KCNH8: variants seen among roughly 807,000 people sequenced by gnomAD.
KCNH8 encodes the protein potassium voltage-gated channel subfamily H member 8.
KCNH8 carries 70 observed loss-of-function variants against 103.6 expected under a neutral mutation model. The ratio of observed to expected loss-of-function variants is 0.68; its 90% CI spans 0.56 to 0.82. The LOEUF is 0.82. Ranked by LOEUF, KCNH8 falls within the 40% of genes least tolerant of loss-of-function variation. The probability of loss-of-function intolerance (pLI) is 0.00; values close to 1 mark genes in which losing one functional copy is unlikely to be tolerated. For synonymous variants in KCNH8, 498 were observed against 489.4 expected (o/e 1.02, Z -0.23); for missense variants, 1,217 against 1,329.9 (o/e 0.92, Z 1.32).
chr3:19,217,569 T>G (rs981344473), intron 1 of KCNH8, among the ~76,000 whole-genome samples: 2 of 152,240 alleles, frequency 1.3e-5, no homozygotes, highest in African/African-American at 4.8e-5. Context: ...AAATATTAAT[T>G]AACATAATCC....
chr3:19,159,741 G>A (rs753289481), intron 1 of KCNH8, among the ~76,000 whole-genome samples: 58 of 152,074 alleles, frequency 3.8e-4, no homozygotes, highest in Non-Finnish European at 6.0e-4. Context: ...CTTCAGATAC[G>A]AAACATTTGT....
intron 7 of KCNH8, among the ~76,000 whole-genome samples, chr3:19,422,698 T>C (rs1293022045): frequency 6.6e-6 from 1 of 152,046 alleles, no homozygotes. Context: ...ATTAATTGAG[T>C]GCATATTAGG....
At chr3:19,429,127 A>G (rs1408898127) in intron 7 of KCNH8, among the ~76,000 whole-genome samples, 1 of 134,754 alleles carries the variant, frequency 7.4e-6, no homozygotes, top group Non-Finnish European at 1.6e-5. Context: ...AAAGTTACTT[A>G]TATGTTTTTA....
chr3:19,464,677 A>G (rs985622599), intron 11 of KCNH8, among the ~76,000 whole-genome samples: 2 of 152,162 alleles, frequency 1.3e-5, no homozygotes, highest in African/African-American at 4.8e-5. Context: ...AAAAATAAGT[A>G]AGAAAAAGAC....
intron 14 of KCNH8, among the ~76,000 whole-genome samples, chr3:19,517,128 A>AT (rs1425061760): frequency 3.3e-5 from 5 of 151,534 alleles, no homozygotes; most frequent in African/African-American, 1.2e-4. Flanking sequence ...TTAAATGTTT[A>AT]TTTTTCCTGC....
chr3:19,149,822 A>C (rs1288831581), intron 1 of KCNH8, among the ~76,000 whole-genome samples: 2 of 152,160 alleles, frequency 1.3e-5, no homozygotes, highest in African/African-American at 4.8e-5. Flanking sequence ...AGTCCTTCTT[A>C]GTGGTTCAAG....
intron 3 of KCNH8, among the ~76,000 whole-genome samples, chr3:19,284,273 A>G (rs1575494408): frequency 1.3e-5 from 2 of 152,136 alleles, no homozygotes; most frequent in Admixed American, 1.3e-4. Flanking sequence ...GGTTCACATG[A>G]TGGGCTTCAT....
rs534626191 is a variant in KCNH8, at chr3:19,201,100, C to T, written c.76+52305C>T. Among the ~76,000 whole-genome samples, 91 of 150,552 alleles carry T rather than the reference C, an allele frequency of 6.0e-4. 2 individuals are homozygous for T. The highest frequency in any genetic ancestry group is 2.1e-3 in the African/African-American group (85 of 41,084). On this transcript the variant is annotated intron_variant, in intron 1 of 15. Coordinates refer to ENST00000328405, the MANE Select transcript of KCNH8 (RefSeq NM_144633.3). ...TACAAAAATTAGCTGGACATGGGGG[C>T]GGGCACCTGTTATCCCAGCTACTAG...
intron 5 of KCNH8, 73 bp from the exon 6 acceptor site, chr3:19,390,408 C>T (rs1575004891): frequency 1.8e-6 from 2 of 1,134,384 alleles, no homozygotes; most frequent in Non-Finnish European, 2.5e-6. Flanking sequence ...TTCTTTCTTT[C>T]ATTGTCCTTC....
chr3:19,161,059 T>A (rs1368440333), intron 1 of KCNH8, among the ~76,000 whole-genome samples: 1 of 152,168 alleles, frequency 6.6e-6, no homozygotes, highest in Non-Finnish European at 1.5e-5. Context: ...ACAGTATGAA[T>A]AAACCTATCT....
chr3:19,401,122 G>A (rs2066607158), intron 7 of KCNH8, among the ~76,000 whole-genome samples: 1 of 151,880 alleles, frequency 6.6e-6, no homozygotes. Flanking sequence ...AATGAACCAA[G>A]GATCTCCTTT....
chr3:19,496,717 G>A (rs939623212), intron 11 of KCNH8, among the ~76,000 whole-genome samples: 1 of 152,124 alleles, frequency 6.6e-6, no homozygotes, highest in Non-Finnish European at 1.5e-5. Context: ...AAATGAGTTA[G>A]GAAGGAGTCT....
chr3:19,170,613 TACAC>T (rs1553620054), intron 1 of KCNH8, among the ~76,000 whole-genome samples: 4 of 143,212 alleles, frequency 2.8e-5, no homozygotes, highest in East Asian at 2.0e-4. Context: ...TATATATGTA[TACAC>T]ACACATATAT....
At chr3:19,392,026 G>A (rs971615177) in intron 6 of KCNH8, among the ~76,000 whole-genome samples, 7 of 151,218 alleles carry the variant, frequency 4.6e-5, no homozygotes, top group African/African-American at 1.7e-4. Context: ...TACTAAAAGC[G>A]AATACTTTTT....
At chr3:19,480,233 C>T (rs181316344) in intron 11 of KCNH8, among the ~76,000 whole-genome samples, 3 of 152,280 alleles carry the variant, frequency 2.0e-5, no homozygotes, top group South Asian at 2.1e-4. Context: ...TTTCCTGCTT[C>T]GCAGTAGTCA....
chr3:19,413,194 GAAAAAA>G lies in KCNH8; in HGVS notation c.1177+17892_1177+17897del, dbSNP rs796510772. The stretch of plus-strand genomic sequence containing the variant: ...CCATGGAATATCACATAGCCAAAAA[GAAAAAA>G]AAAAAAAAGAATGAAATCATGCCCC... On this transcript the variant is annotated intron_variant, in intron 7 of 15. Transcript: ENST00000328405. Among the ~76,000 whole-genome samples, 760 of 127,056 alleles carry G rather than the reference GAAAAAA, an allele frequency of 6.0e-3. 11 individuals are homozygous for G. The highest frequency in any genetic ancestry group is 0.02 in the African/African-American group (694 of 35,022). 83.4% of individuals were successfully genotyped at this position (127,056 alleles called of 152,430 possible). A position where few individuals can be genotyped will look rare whatever the true frequency, so the allele number is the denominator to read the frequency against.
chr3:19,370,331 G>A (rs2066071195), intron 5 of KCNH8, among the ~76,000 whole-genome samples: 1 of 151,914 alleles, frequency 6.6e-6, no homozygotes, highest in Non-Finnish European at 1.5e-5. Flanking sequence ...GTACATATCA[G>A]GTGCTTCATA....
At chr3:19,294,971 C>T (rs1367064443) in intron 3 of KCNH8, among the ~76,000 whole-genome samples, 1 of 152,142 alleles carries the variant, frequency 6.6e-6, no homozygotes, top group Non-Finnish European at 1.5e-5. Flanking sequence ...ATTTTTTATA[C>T]AATATATTTC....
At chr3:19,435,467 A>G (rs933945607) in intron 7 of KCNH8, among the ~76,000 whole-genome samples, 8 of 152,202 alleles carry the variant, frequency 5.3e-5, no homozygotes, top group Non-Finnish European at 1.0e-4. Context: ...CCATTTTCGC[A>G]GAGTATCTAG....
Sources: allele counts gnomAD v4.1 joint callset (sites outside exome capture counted in the v4.1 genomes callset), GRCh38; gene constraint gnomAD v4.1.1; transcripts MANE v1.5; gene names NCBI Gene and HGNC (gene_info 2026-07-23, HGNC 2026-07-21).